The following NKAIN2 variants were observed in gnomAD, a reference collection of about 807,000 sequenced individuals.
NKAIN2 encodes sodium/potassium-transporting ATPase subunit beta-1-interacting protein 2.
In NKAIN2, 14 loss-of-function variants were observed where a neutral mutation model predicts 32.6. The ratio of observed to expected loss-of-function variants is 0.43; its 90% confidence interval spans 0.28 to 0.67. The LOEUF is 0.67. Among genes scored for constraint, NKAIN2 ranks in the 30% least tolerant of loss-of-function variants. NKAIN2 has a pLI of 0.17. For synonymous variants in NKAIN2, 80 were observed against 87.2 expected (o/e 0.92, Z 0.46); for missense variants, 198 against 258.3 (o/e 0.77, Z 1.60).
intron 4 of NKAIN2, among the ~76,000 whole-genome samples, chr6:124,758,038 G>T (rs988405556): frequency 2.0e-5 from 3 of 152,108 alleles, no homozygotes; most frequent in African/African-American, 7.2e-5. Flanking sequence ...AGGCATTCCA[G>T]TTCAGTGAAT....
At chr6:124,636,632 A>T (rs899183237) in intron 3 of NKAIN2, among the ~76,000 whole-genome samples, 1 of 152,032 alleles carries the variant, frequency 6.6e-6, no homozygotes, top group Non-Finnish European at 1.5e-5. Context: ...GAAAAACTCT[A>T]TGCCAACAAA....
chr6:124,562,904 C>CTT lies in NKAIN2; in HGVS notation c.274-95265_274-95264dup, dbSNP rs34572745. On this transcript the variant is annotated intron_variant, in intron 3 of 6. Transcript: ENST00000368417. The stretch of plus-strand genomic sequence containing the variant: ...AATGAAATGTTAGTATTTTTTGTTT[C>CTT]TTTTTTTTTTTTTTTTTTGAGACAG... 9.6e-3 allele frequency among the ~76,000 whole-genome samples: 1,262 copies of CTT among 131,144 alleles called. 25 individuals carry two copies. The highest frequency in any genetic ancestry group is 0.033 in the African/African-American group (1,169 of 35,724). The allele number at this position is 131,144 out of a possible 152,430, so 86.0% of individuals were successfully genotyped here.
chr6:124,556,505 A>G (rs974436749), intron 3 of NKAIN2, among the ~76,000 whole-genome samples: 1 of 152,148 alleles, frequency 6.6e-6, no homozygotes, highest in Non-Finnish European at 1.5e-5. Flanking sequence ...TTCAGCCCTC[A>G]TATGCTCTGT....
chr6:124,766,666 GAC>G (rs1015057264), intron 4 of NKAIN2, among the ~76,000 whole-genome samples: 1 of 152,154 alleles, frequency 6.6e-6, no homozygotes, highest in African/African-American at 2.4e-5. Context: ...CATATCTGCT[GAC>G]ACAGTTTCTG....
rs78408410 is a variant in NKAIN2 at position 124,326,552 on chromosome 6, G to T, written c.193-28715G>T. 2.0e-5 allele frequency among the ~76,000 whole-genome samples: 3 copies of T among 152,178 alleles called. No homozygotes were observed. In the East Asian group the frequency reaches 5.8e-4, roughly 30 times the overall value. Reference sequence around the variant, plus strand: ...ACAATGCTTCATCTTTAGATTTGCAGTTACAGGACTTTGCCAGATCTGCTC... The same window carrying T: ...ACAATGCTTCATCTTTAGATTTGCATTTACAGGACTTTGCCAGATCTGCTC... On this transcript the variant is annotated intron_variant, in intron 2 of 6. Coordinates refer to ENST00000368417, the MANE Select transcript of NKAIN2 (RefSeq NM_001040214.3).
At position 124,079,512 on chromosome 6, in the gene NKAIN2, T is replaced by G. The variant is rs964542380; in HGVS notation, c.55-203493T>G. On this transcript the variant is annotated intron_variant, in intron 1 of 6. Coordinates refer to ENST00000368417, the MANE Select transcript of NKAIN2 (RefSeq NM_001040214.3). ...TGTTTCTCCTGGGTATCTGTGTGTT[T>G]GTGTGAGTTTGAGAGAGAAACAAGG... Among the ~76,000 whole-genome samples the G allele has an allele frequency of 3.8e-4, 58 of 152,170 alleles. 1 individual carries two copies. The highest frequency in any genetic ancestry group is 1.4e-3 in the African/African-American group (58 of 41,450).
At chr6:124,254,895 CTATT>C (rs1173837554) in intron 1 of NKAIN2, among the ~76,000 whole-genome samples, 1 of 152,192 alleles carries the variant, frequency 6.6e-6, no homozygotes, top group African/African-American at 2.4e-5. Flanking sequence ...GTAGTCACCT[CTATT>C]TATAGTCAGC....
intron 1 of NKAIN2, among the ~76,000 whole-genome samples, chr6:124,217,642 C>G (rs2689896): frequency 2.0e-5 from 3 of 152,106 alleles, no homozygotes; most frequent in Non-Finnish European, 4.4e-5. Flanking sequence ...AGACCACTTT[C>G]TCATCCTGGA....
chr6:124,518,434 G>A (rs1007185090), intron 3 of NKAIN2, among the ~76,000 whole-genome samples: 2 of 152,062 alleles, frequency 1.3e-5, no homozygotes, highest in Admixed American at 6.6e-5. Flanking sequence ...TTGGCTTAGG[G>A]TTCTGTAGGC....
chr6:123,845,565 G>A (rs1775053434), intron 1 of NKAIN2, among the ~76,000 whole-genome samples: 1 of 152,270 alleles, frequency 6.6e-6, no homozygotes, highest in Admixed American at 6.5e-5. Flanking sequence ...TTTGAACTCT[G>A]TGGGCCCACC....
chr6:123,975,284 A>G (rs975876591), intron 1 of NKAIN2, among the ~76,000 whole-genome samples: 1 of 152,148 alleles, frequency 6.6e-6, no homozygotes. Flanking sequence ...GAAATTCTCA[A>G]TTTTTATTTT....
At chr6:124,243,102 C>T (rs1407156828) in intron 1 of NKAIN2, among the ~76,000 whole-genome samples, 3 of 150,550 alleles carry the variant, frequency 2.0e-5, no homozygotes, top group East Asian at 2.0e-4. Context: ...ACAGATTTGT[C>T]ATAAGAGATC....
At chr6:124,765,437 CA>C (rs778151267) in intron 4 of NKAIN2, among the ~76,000 whole-genome samples, 12 of 152,192 alleles carry the variant, frequency 7.9e-5, no homozygotes, top group Non-Finnish European at 1.5e-4. Flanking sequence ...CTGGTTTTAT[CA>C]AGCTGCCGCA....
intron 3 of NKAIN2, among the ~76,000 whole-genome samples, chr6:124,423,932 C>A (rs550274017): frequency 1.3e-5 from 2 of 152,282 alleles, no homozygotes; most frequent in Non-Finnish European, 2.9e-5. Context: ...TTCCTTAAAG[C>A]AGCACGAATA....
At position 123,804,087 on chromosome 6, in the gene NKAIN2, C is replaced by G. The variant is rs1269402410; in HGVS notation, c.-114C>G. ...CGCTGGCAGCAGCAGCAGCCCGGAG[C>G]CCCCGAGCCCTCGGCAGGTTTGCGT... is the stretch of plus-strand genomic sequence containing the variant. On this transcript the variant is annotated 5_prime_UTR_variant, in exon 1 of 7. Transcript: ENST00000368417. The G allele has an allele frequency of 2.2e-6, 2 of 929,874 alleles. No homozygotes were observed. The highest frequency in any genetic ancestry group is 2.6e-5 in the South Asian group (2 of 76,440). The allele number at this position is 929,874 out of a possible 1,614,324, so 57.6% of individuals were successfully genotyped here. A position where few individuals can be genotyped will look rare whatever the true frequency, so the allele number is the denominator to read the frequency against.
At chr6:124,587,515 G>T (rs1453080225) in intron 3 of NKAIN2, among the ~76,000 whole-genome samples, 1 of 152,076 alleles carries the variant, frequency 6.6e-6, no homozygotes, top group Non-Finnish European at 1.5e-5. Flanking sequence ...ACTGCACCCA[G>T]CCCAAACTCC....
intron 3 of NKAIN2, among the ~76,000 whole-genome samples, chr6:124,620,321 AC>A (rs1398939042): frequency 6.6e-6 from 1 of 152,120 alleles, no homozygotes; most frequent in Non-Finnish European, 1.5e-5. Flanking sequence ...TGGTTTACAA[AC>A]CTCATCTATG....
intron 3 of NKAIN2, among the ~76,000 whole-genome samples, chr6:124,597,015 C>T (rs1269864683): frequency 6.6e-6 from 1 of 152,106 alleles, no homozygotes; most frequent in Non-Finnish European, 1.5e-5. Context: ...CTTTCTCAGC[C>T]TTTTGGTTCT....
At chr6:124,773,202 G>A (rs1374728911) in intron 4 of NKAIN2, among the ~76,000 whole-genome samples, 2 of 152,078 alleles carry the variant, frequency 1.3e-5, no homozygotes, top group Admixed American at 6.6e-5. Flanking sequence ...AGATAGAAGA[G>A]AAAGTGGAAG....
Sources: allele counts gnomAD v4.1 joint callset (sites outside exome capture counted in the v4.1 genomes callset), GRCh38; gene constraint gnomAD v4.1.1; transcripts MANE v1.5; gene names NCBI Gene and HGNC (gene_info 2026-07-23, HGNC 2026-07-21).